Variants in TNKS1BP1 observed in about 807,000 individuals in gnomAD.
The protein encoded by TNKS1BP1 is 182 kDa tankyrase-1-binding protein.
Under a neutral mutation model 141.1 loss-of-function variants are expected in TNKS1BP1, and 48 were observed. The ratio of observed to expected loss-of-function variants is 0.34; its 90% confidence interval spans 0.27 to 0.43. The LOEUF (loss-of-function observed/expected upper bound fraction) is 0.43. TNKS1BP1 is among the 20% of genes least tolerant of loss of function. TNKS1BP1 has a pLI of 1.00. For missense variants in TNKS1BP1, 2,149 were observed against 2,226.0 expected, an observed-to-expected ratio of 0.97 and a Z score of 0.70; for synonymous variants, 875 against 898.2, an observed-to-expected ratio of 0.97 and a Z score of 0.46.
rs759073193 is a variant in TNKS1BP1 at position 57,301,792 on chromosome 11, A to C, written c.4971+15T>G. The C allele has an allele frequency of 7.5e-6, 12 of 1,601,012 alleles. No individual in the cohort carries two copies. On this transcript the variant is annotated intron_variant, in intron 9 of 11. Transcript: ENST00000358252. ...CCAGATGGCTGGACATGTTTGCTTA[A>C]TGATCAGATGGTACCTTCAGGGCTG...
At chr11:57,322,162 C>A in intron 1 of TNKS1BP1, 2 of 1,099,598 alleles carry the variant, frequency 1.8e-6, no homozygotes, top group South Asian at 3.9e-5. Context: ...TATCTCCTAA[C>A]CCCAAAGTCC....
chr11:57,301,969 A>C (rs766793560), intron 8 of TNKS1BP1, 26 bp from the exon 9 acceptor site: 1 of 1,611,180 alleles, frequency 6.2e-7, no homozygotes, highest in Admixed American at 1.7e-5. Context: ...AAAGGGGCTC[A>C]GAAAAGGCAG....
intron 2 of TNKS1BP1, 63 bp from the exon 3 acceptor site, chr11:57,320,775 T>C (rs1855873984): frequency 6.8e-7 from 1 of 1,477,974 alleles, no homozygotes; most frequent in East Asian, 2.3e-5. Context: ...AACTTCTTTG[T>C]TTCCTGTTCC....
intron 3 of TNKS1BP1, among the ~76,000 whole-genome samples, chr11:57,318,910 C>T (rs933962725): frequency 9.2e-5 from 14 of 152,088 alleles, no homozygotes; most frequent in East Asian, 1.9e-4. Context: ...TTTGGGAGGC[C>T]GAGGCAGGCA....
intron 4 of TNKS1BP1, among the ~76,000 whole-genome samples, chr11:57,315,079 A>G (rs938374646): frequency 2.0e-5 from 3 of 152,052 alleles, no homozygotes; most frequent in African/African-American, 7.3e-5. Flanking sequence ...AGTCATCTCC[A>G]TAGCCAGATG....
rs1484816888 is a variant in TNKS1BP1, at chr11:57,324,934, C to T, written c.-160G>A. On this transcript the variant is annotated 5_prime_UTR_variant, in exon 1 of 12. Transcript: ENST00000358252. ...CTACCGCCGCCGCCGCCGCCGTCAC[C>T]GCGGGACGAAGCCACTGCGAGCCCC... is the stretch of plus-strand genomic sequence containing the variant. The T allele has an allele frequency of 4.0e-6, 4 of 994,356 alleles. No homozygotes were observed. The highest frequency in any genetic ancestry group is 4.8e-6 in the Non-Finnish European group (4 of 837,424). 61.6% of individuals were successfully genotyped at this position (994,356 alleles called of 1,614,324 possible). A position where few individuals can be genotyped will look rare whatever the true frequency, so the allele number is the denominator to read the frequency against.
chr11:57,319,281 G>A (rs1855845089), intron 3 of TNKS1BP1, among the ~76,000 whole-genome samples: 3 of 152,010 alleles, frequency 2.0e-5, no homozygotes, highest in Non-Finnish European at 4.4e-5. Context: ...TCTGACCACT[G>A]TAAGAGCTGG....
chr11:57,315,914 A>G (rs1855792530), intron 4 of TNKS1BP1, among the ~76,000 whole-genome samples: 1 of 151,884 alleles, frequency 6.6e-6, no homozygotes, highest in Admixed American at 6.6e-5. Flanking sequence ...CATTTCCATC[A>G]GCACACAAAC....
intron 9 of TNKS1BP1, among the ~76,000 whole-genome samples, chr11:57,301,292 C>A (rs1358667890): frequency 6.6e-6 from 1 of 152,104 alleles, no homozygotes; most frequent in African/African-American, 2.4e-5. Flanking sequence ...TGGGACAAAG[C>A]CAGTGGTGAC....
intron 3 of TNKS1BP1, among the ~76,000 whole-genome samples, chr11:57,319,437 G>A (rs2134372743): frequency 6.6e-6 from 1 of 152,234 alleles, no homozygotes; most frequent in Non-Finnish European, 1.5e-5. Flanking sequence ...TGCCAACGAG[G>A]CAAAGTTTGG....
rs759999314 is a variant in TNKS1BP1, at chr11:57,313,107, CT to C, written c.1580del (p.Gln527ArgfsTer125). 1 of 1,613,418 alleles carries C rather than the reference CT, an allele frequency of 6.2e-7. No individual in the cohort carries two copies. The highest frequency in any genetic ancestry group is 8.5e-7 in the Non-Finnish European group (1 of 1,180,022). ...TTGGAGCTGACCCAGCCCCTTGCCC[CT>C]GCTGAGACACTCCTTCTTCCCTGCT... ...VSSREEGVSQ[Q>X]GQGAGSAPSG... On this transcript the variant is annotated frameshift_variant, in exon 5 of 12. Transcript: ENST00000358252. LOFTEE classifies it high-confidence loss of function.
rs745797066 is a variant in TNKS1BP1, at chr11:57,308,458, G to C, written c.4253C>G (p.Ser1418Cys). 6.2e-7 allele frequency: 1 copy of C among 1,614,136 alleles called. No homozygotes were observed. The highest frequency in any genetic ancestry group is 1.7e-5 in the Admixed American group (1 of 60,028). Residue 1418 changes from serine to cysteine, a missense_variant, in exon 6 of 12, where the codon TCC (serine) becomes TGC (cysteine). By Grantham distance (112) the Ser-to-Cys change is moderately radical. Coordinates refer to ENST00000358252, the MANE Select transcript of TNKS1BP1 (RefSeq NM_033396.3). ...ETQGEDYSSS[S>C]LEPHPADPGM... The stretch of plus-strand genomic sequence containing the variant: ...AGGGTCTGCAGGGTGTGGCTCCAAG[G>C]AAGACGAGGAGTAATCTTCACCCTG...
chr11:57,310,434 C>T lies in TNKS1BP1; in HGVS notation c.2277G>A (p.Gly759=). 6.2e-7 allele frequency: 1 copy of T among 1,613,926 alleles called. No individual in the cohort carries two copies. ...CTGGGTCTCCTCTAGGGCTTGCACCCCCAAGGCCATAGTCCTGAGAAGCAC... is the reference window on the plus strand; with the variant it reads ...CTGGGTCTCCTCTAGGGCTTGCACCTCCAAGGCCATAGTCCTGAGAAGCAC... ...CQGASQDYGL[G]GASPRGDPGL... The change falls in exon 6 of 12, where the codon GGG becomes GGA. Residue 759 remains glycine (G), a synonymous_variant. Coordinates refer to ENST00000358252, the MANE Select transcript of TNKS1BP1 (RefSeq NM_033396.3).
Position 57,313,382 on chromosome 11 carries a change from G to T in TNKS1BP1, c.1306C>A (p.Pro436Thr). 1.2e-6 allele frequency: 2 copies of T among 1,612,578 alleles called. No individual in the cohort carries two copies. Among genetic ancestry groups the T allele is most frequent in the Non-Finnish European group, 1.7e-6 (2 of 1,179,616 alleles). The change falls in exon 5 of 12, where the codon CCC (proline) becomes ACC (threonine). Residue 436 changes from proline to threonine, a missense_variant. Physicochemically the swap from Pro to Thr is conservative, Grantham distance 38. Coordinates refer to ENST00000358252, the MANE Select transcript of TNKS1BP1 (RefSeq NM_033396.3). Reference protein sequence around the residue: ...RRFSEGVLQSPSQDQEKLGGS... With the variant: ...RRFSEGVLQSTSQDQEKLGGS... ...CCCAGCTTCTCCTGGTCCTGACTGG[G>T]TGACTGGAGCACACCTTCAGAGAAT...
At chr11:57,320,738 G>T in intron 2 of TNKS1BP1, 26 bp from the exon 3 acceptor site, 1 of 1,526,346 alleles carries the variant, frequency 6.6e-7, no homozygotes. Context: ...GGTTGGTGGG[G>T]GAGCTGTCAG....
chr11:57,312,510 C>T, intron 5 of TNKS1BP1, 24 bp downstream of exon 5: 1 of 1,433,460 alleles, frequency 7.0e-7, no homozygotes, highest in Non-Finnish European at 9.2e-7. Flanking sequence ...CCAGAAGTCC[C>T]ATTCTCCCTA....
intron 5 of TNKS1BP1, chr11:57,311,153 A>T: frequency 1.2e-6 from 1 of 856,306 alleles, no homozygotes; most frequent in Non-Finnish European, 1.4e-6. Context: ...CCCAGGAAAG[A>T]CAAGAGGGGC....
Position 57,321,847 on chromosome 11 carries a change from A to G in TNKS1BP1, c.39T>C (p.Ala13=), listed in dbSNP as rs1855892564. 6.2e-7 allele frequency: 1 copy of G among 1,613,766 alleles called. No homozygotes were observed. Among genetic ancestry groups the G allele is most frequent in the Admixed American group, 1.7e-5 (1 of 59,994 alleles). The change falls in exon 2 of 12, where the codon GCT becomes GCC. Residue 13 remains alanine (A), a synonymous_variant. Transcript: ENST00000358252. ...CCTCCATCTCCCGGGGCAGTGGGGA[A>G]GCCATGGCTGAGCTTTCCCTGAGAG... ...VSTLRESSAM[A]SPLPREMEEE...
chr11:57,313,918 T>A, intron 4 of TNKS1BP1, 29 bp from the exon 5 acceptor site: 1 of 1,471,728 alleles, frequency 6.8e-7, no homozygotes, highest in Non-Finnish European at 9.0e-7. Context: ...TCAAGATCCG[T>A]CACTCACCTC....
Sources: gnomAD v4.1 joint callset for allele counts (sites outside exome capture counted in the v4.1 genomes callset) on GRCh38, gnomAD v4.1.1 for gene constraint, MANE v1.5 for transcripts, NCBI Gene and HGNC (gene_info 2026-07-23, HGNC 2026-07-21) for gene names.